Variants in PCDHGA9 observed in about 807,000 individuals in gnomAD.
PCDHGA9 encodes the protein protocadherin gamma subfamily A, 9, also known as protocadherin gamma-A9.
A neutral mutation model predicts 62.5 loss-of-function variants in PCDHGA9; 37 were observed. The ratio of observed to expected loss-of-function variants is 0.59; its 90% CI spans 0.46 to 0.78. The LOEUF (loss-of-function observed/expected upper bound fraction) is 0.78, where lower values mean the gene tolerates loss of function less well. Among genes scored for constraint, PCDHGA9 ranks in the 30% least tolerant of loss-of-function variants. The pLI is 0.00. For missense variants in PCDHGA9, 1,138 were observed against 1,166.2 expected (o/e 0.98, Z 0.35); for synonymous variants, 459 against 484.6 (o/e 0.95, Z 0.69).
chr5:141,490,978 C>T lies in PCDHGA9; in HGVS notation c.2425-3829C>T. 6.2e-7 allele frequency: 1 copy of T among 1,614,100 alleles called. No individual in the cohort carries two copies. Among genetic ancestry groups the T allele is most frequent in the Non-Finnish European group, 8.5e-7 (1 of 1,180,034 alleles). ...GGAACACTCAGCCCCCCAGCGTCTC[C>T]CTCGCTCTGCTCCTCCTGGCTCCTT... is the stretch of plus-strand genomic sequence containing the variant. On this transcript the variant is annotated intron_variant, in intron 1 of 3. Coordinates refer to ENST00000573521, the MANE Select transcript of PCDHGA9 (RefSeq NM_018921.3). The surrounding 1 kb of genome is among the most constrained non-coding windows in gnomAD (Gnocchi z 5.4).
chr5:141,413,352 G>A (rs896091511), intron 1 of PCDHGA9: 1 of 1,613,976 alleles, frequency 6.2e-7, no homozygotes, highest in African/African-American at 1.3e-5. Flanking sequence ...TGGGTCTGGC[G>A]CCCCGGGAGC....
At chr5:141,437,225 T>C (rs943242286) in intron 1 of PCDHGA9, among the ~76,000 whole-genome samples, 2 of 152,240 alleles carry the variant, frequency 1.3e-5, no homozygotes, top group Admixed American at 1.3e-4. Flanking sequence ...ATTCCAGTCA[T>C]AAAATTATGT....
At chr5:141,472,980 C>CAAAAAAAAAAAAAAAAAAA (rs60579131) in intron 1 of PCDHGA9, among the ~76,000 whole-genome samples, 6 of 86,104 alleles carry the variant, frequency 7.0e-5, no homozygotes, top group African/African-American at 1.2e-4. Context: ...GAGTGAAACT[C>CAAAAAAAAAAAAAAAAAAA]AAAAAAAAAA....
At chr5:141,494,733 C>G in intron 1 of PCDHGA9, 74 bp from the exon 2 acceptor site, 1 of 1,610,826 alleles carries the variant, frequency 6.2e-7, no homozygotes, top group South Asian at 1.1e-5. Flanking sequence ...CTCTCCCGGC[C>G]CATCCCTAGG....
rs1226463441 is a variant in PCDHGA9, at chr5:141,432,906, T to A, written c.2424+27530T>A. 6.2e-7 allele frequency: 1 copy of A among 1,614,176 alleles called. No individual in the cohort carries two copies. The highest frequency in any genetic ancestry group is 8.5e-7 in the Non-Finnish European group (1 of 1,180,002). ...GTCATCTTGCTGCTGGCGCTCAGGC[T>A]GCGGCGCTGGCACAAGTCACGCCTG... On this transcript the variant is annotated intron_variant, in intron 1 of 3. Coordinates refer to ENST00000573521, the MANE Select transcript of PCDHGA9 (RefSeq NM_018921.3). The surrounding 1 kb of genome is among the most constrained non-coding windows in gnomAD (Gnocchi z 6.0).
intron 1 of PCDHGA9, chr5:141,427,307 T>C (rs745903769): frequency 4.4e-6 from 2 of 456,906 alleles, no homozygotes; most frequent in South Asian, 1.5e-5. Flanking sequence ...AGAATGACAA[T>C]GCCCCAGACG....
chr5:141,418,996 TG>T (rs745777250), intron 1 of PCDHGA9: 13 of 1,613,756 alleles, frequency 8.1e-6, no homozygotes, highest in Non-Finnish European at 1.1e-5. Flanking sequence ...CAGGGGAAAA[TG>T]GGGAAGTCAG....
In PCDHGA9 at chr5:141,476,691, A is replaced by G; in HGVS notation, c.2425-18116A>G. 6.2e-7 allele frequency: 1 copy of G among 1,614,224 alleles called. No individual in the cohort carries two copies. Among genetic ancestry groups the G allele is most frequent in the Non-Finnish European group, 8.5e-7 (1 of 1,180,050 alleles). The stretch of plus-strand genomic sequence containing the variant: ...GTGCAGACGCGGGAGGACAGCACCA[A>G]GTACGCGGAGCTGGTGTTGGAGCGC... On this transcript the variant is annotated intron_variant, in intron 1 of 3. Transcript: ENST00000573521. This position sits in a 1 kb window ranked among gnomAD's most constrained non-coding sequence, Gnocchi z 7.6.
rs70988802 is a variant in PCDHGA9 at position 141,450,006 on chromosome 5, C to CTA, written c.2424+44631_2424+44632insAT. ...CACATTGCATTTAGTTGCCATGTCT[C>CTA]TTTTTTTTTTTTTTTTTTGAGACAG... On this transcript the variant is annotated intron_variant, in intron 1 of 3. Coordinates refer to ENST00000573521, the MANE Select transcript of PCDHGA9 (RefSeq NM_018921.3). Among the ~76,000 whole-genome samples the CTA allele has an allele frequency of 6.0e-5, 8 of 132,986 alleles. 1 individual carries two copies. The highest frequency in any genetic ancestry group is 9.5e-5 in the Non-Finnish European group (6 of 62,926). The allele number at this position is 132,986 out of a possible 152,430, so 87.2% of individuals were successfully genotyped here. A position where few individuals can be genotyped will look rare whatever the true frequency, so the allele number is the denominator to read the frequency against.
At chr5:141,506,213 A>G (rs2154593866) in intron 3 of PCDHGA9, among the ~76,000 whole-genome samples, 1 of 152,204 alleles carries the variant, frequency 6.6e-6, no homozygotes, top group South Asian at 2.1e-4. Flanking sequence ...CACTTTGGGA[A>G]GCTGAGGCAG....
chr5:141,489,692 G>C lies in PCDHGA9; in HGVS notation c.2425-5115G>C, dbSNP rs768806028. The stretch of plus-strand genomic sequence containing the variant: ...TCAGAATCAGCAGCATCTGGGGCAC[G>C]ATTCCCACTGGACAGTGCCCAGGAT... On this transcript the variant is annotated intron_variant, in intron 1 of 3. Transcript: ENST00000573521. This position sits in a 1 kb window ranked among gnomAD's most constrained non-coding sequence, Gnocchi z 4.5. 6.2e-7 allele frequency: 1 copy of C among 1,614,128 alleles called. No individual in the cohort carries two copies. Among genetic ancestry groups the C allele is most frequent in the South Asian group, 1.1e-5 (1 of 91,080 alleles).
chr5:141,409,159 G>C, intron 1 of PCDHGA9: 1 of 1,614,014 alleles, frequency 6.2e-7, no homozygotes, highest in East Asian at 2.2e-5. Flanking sequence ...CCATGGAAGT[G>C]GAAGCGAAGG....
At chr5:141,444,299 G>A (rs1017908182) in intron 1 of PCDHGA9, among the ~76,000 whole-genome samples, 20 of 150,672 alleles carry the variant, frequency 1.3e-4, no homozygotes, top group Non-Finnish European at 2.7e-4. Context: ...AGCCTCCCTA[G>A]TAGCTAGGAT....
intron 2 of PCDHGA9, among the ~76,000 whole-genome samples, chr5:141,501,942 C>T (rs1012840550): frequency 2.6e-5 from 4 of 152,136 alleles, no homozygotes; most frequent in Non-Finnish European, 4.4e-5. Context: ...CACCACTGCT[C>T]CCTGTGACAG....
intron 2 of PCDHGA9, among the ~76,000 whole-genome samples, chr5:141,496,123 C>T (rs2099766207): frequency 6.6e-6 from 1 of 152,098 alleles, no homozygotes; most frequent in African/African-American, 2.4e-5. Flanking sequence ...CTTCCCTGCC[C>T]CTCACACACT....
intron 1 of PCDHGA9, among the ~76,000 whole-genome samples, chr5:141,437,364 T>G (rs1026384836): frequency 6.6e-6 from 1 of 152,232 alleles, no homozygotes; most frequent in Non-Finnish European, 1.5e-5. Context: ...AAAATTGGAA[T>G]GTAATCAGTC....
At chr5:141,503,598 C>CAAA (rs765754054) in intron 2 of PCDHGA9, among the ~76,000 whole-genome samples, 1 of 65,748 alleles carries the variant, frequency 1.5e-5, no homozygotes. Context: ...GACTCCAGCT[C>CAAA]AAAAAAAAAA....
At chr5:141,426,096 T>C (rs1296875718) in intron 1 of PCDHGA9, among the ~76,000 whole-genome samples, 6 of 152,230 alleles carry the variant, frequency 3.9e-5, no homozygotes, top group Non-Finnish European at 8.8e-5. Flanking sequence ...GATATTCTGT[T>C]CAGTCACAGA....
intron 1 of PCDHGA9, chr5:141,413,678 T>G (rs201325660): frequency 5.6e-6 from 9 of 1,613,632 alleles, no homozygotes; most frequent in Non-Finnish European, 7.6e-6. Flanking sequence ...GATGTGGGCG[T>G]GAACTCCCTG....
Sources: allele counts gnomAD v4.1 joint callset (sites outside exome capture counted in the v4.1 genomes callset), GRCh38; gene constraint gnomAD v4.1.1; non-coding constraint Gnocchi (gnomAD v3.1); transcripts MANE v1.5; gene names NCBI Gene and HGNC (gene_info 2026-07-23, HGNC 2026-07-21).